Variants in RTCA observed in about 807,000 individuals in gnomAD.
RTCA encodes RNA 3'-terminal phosphate cyclase, also known as RNA terminal phosphate cyclase domain 1.
Under a neutral mutation model 46.1 loss-of-function variants are expected in RTCA, and 37 were observed. The ratio of observed to expected loss-of-function variants is 0.80; its 90% CI spans 0.62 to 1.06. RTCA has a LOEUF of 1.06. RTCA is among the 50% of genes least tolerant of loss of function. The pLI, the probability that RTCA is intolerant of heterozygous loss-of-function variation, is 0.00. For synonymous variants in RTCA, 164 were observed against 158.3 expected, an observed-to-expected ratio of 1.04 and a Z score of -0.27; for missense variants, 435 against 455.5, an observed-to-expected ratio of 0.95 and a Z score of 0.41.
In RTCA at chr1:100,269,844, G is replaced by GC. The variant is rs553174092; in HGVS notation, c.291-707dup. On this transcript the variant is annotated intron_variant, in intron 3 of 10. Coordinates refer to ENST00000370128, the MANE Select transcript of RTCA (RefSeq NM_003729.4). ...AGTGCTCTCCCTCCCCTTGCCACCT[G>GC]CCCCCCGACAAGCCCTGGTGTGTGA... 3.1e-3 allele frequency among the ~76,000 whole-genome samples: 475 copies of GC among 151,992 alleles called. 3 individuals are homozygous for GC. The highest frequency in any genetic ancestry group is 0.011 in the African/African-American group (440 of 41,452).
chr1:100,285,232 A>G lies in RTCA; in HGVS notation c.804A>G (p.Val268=), dbSNP rs758404413. Residue 268 remains valine, a synonymous_variant, in exon 9 of 11, where the codon GTA becomes GTG. Coordinates refer to ENST00000370128, the MANE Select transcript of RTCA (RefSeq NM_003729.4). The part of the protein sequence containing the change: ...FAGSSLGKRG[V]NADKVGIEAA... The stretch of plus-strand genomic sequence containing the variant: ...TAATGTTGTGCTTATCTTAAGGTGT[A>G]AATGCAGACAAAGTTGGAATTGAAG... The G allele has an allele frequency of 1.2e-6, 2 of 1,611,934 alleles. No individual in the cohort carries two copies. Among genetic ancestry groups the G allele is most frequent in the Admixed American group, 3.3e-5 (2 of 59,990 alleles).
chr1:100,292,285 A>C lies in RTCA; in HGVS notation c.*781A>C, dbSNP rs1424513575. 6.6e-6 allele frequency: 1 copy of C among 151,914 alleles called. No individual in the cohort carries two copies. The highest frequency in any genetic ancestry group is 6.6e-5 in the Admixed American group (1 of 15,234). 9.4% of individuals were successfully genotyped at this position (151,914 alleles called of 1,614,324 possible). A position where few individuals can be genotyped will look rare whatever the true frequency, so the allele number is the denominator to read the frequency against. Reference sequence around the variant, plus strand: ...ACCTTCTACCTAGTGGGCACTTTGTACATATTTATTTTTTATTTTATTTAT... The same window carrying C: ...ACCTTCTACCTAGTGGGCACTTTGTCCATATTTATTTTTTATTTTATTTAT... On this transcript the variant is annotated 3_prime_UTR_variant, in exon 11 of 11. Coordinates refer to ENST00000370128, the MANE Select transcript of RTCA (RefSeq NM_003729.4).
chr1:100,285,089 A>G, intron 8 of RTCA, 139 bp from the exon 9 acceptor site: 1 of 610,462 alleles, frequency 1.6e-6, no homozygotes. Flanking sequence ...ATCTTATTCT[A>G]AAAGGTGCAT....
At chr1:100,271,830 T>G (rs1666114146) in intron 4 of RTCA, among the ~76,000 whole-genome samples, 2 of 152,196 alleles carry the variant, frequency 1.3e-5, no homozygotes, top group Admixed American at 1.3e-4. Flanking sequence ...AAAATTCCCT[T>G]ATACGTTTTT....
In RTCA at chr1:100,292,229, T is replaced by G. The variant is rs1318486198; in HGVS notation, c.*725T>G. 6.6e-6 allele frequency: 1 copy of G among 151,988 alleles called. No homozygotes were observed. The highest frequency in any genetic ancestry group is 2.4e-5 in the African/African-American group (1 of 41,354). The allele number at this position is 151,988 out of a possible 1,614,324, so 9.4% of individuals were successfully genotyped here. A position where few individuals can be genotyped will look rare whatever the true frequency, so the allele number is the denominator to read the frequency against. ...CAGTGCACCCGGCAACAATAACATT[T>G]AATAGGCATTGTCTCATTCTAATGA... On this transcript the variant is annotated 3_prime_UTR_variant, in exon 11 of 11. Transcript: ENST00000370128.
rs77289939 is a variant in RTCA, at chr1:100,287,435, A to T, written c.999+232A>T. ...AATATGAGTAAAGTGAGGCAGAGAGATTCATTAAATTGTTCAAGGCCACAT... is the reference window on the plus strand; with the variant it reads ...AATATGAGTAAAGTGAGGCAGAGAGTTTCATTAAATTGTTCAAGGCCACAT... On this transcript the variant is annotated intron_variant, in intron 10 of 10. Transcript: ENST00000370128. 3.1e-3 allele frequency among the ~76,000 whole-genome samples: 469 copies of T among 152,238 alleles called. 3 individuals are homozygous for T. Among genetic ancestry groups the T allele is most frequent in the African/African-American group, 0.011 (438 of 41,544 alleles).
chr1:100,268,118 T>C, intron 2 of RTCA, 34 bp from the exon 3 acceptor site: 2 of 1,610,820 alleles, frequency 1.2e-6, no homozygotes, highest in Middle Eastern at 1.7e-4. Flanking sequence ...GCAGTCTGAA[T>C]GCACACGTTT....
intron 4 of RTCA, 135 bp downstream of exon 4, chr1:100,270,815 C>CT (rs112244213): frequency 0.046 from 40,163 of 867,840 alleles, 31 homozygotes; most frequent in South Asian, 0.082. Context: ...TTCTTTCTTT[C>CT]TTTTTTTTTT....
At chr1:100,279,871 G>A (rs1176418348) in intron 8 of RTCA, among the ~76,000 whole-genome samples, 1 of 152,142 alleles carries the variant, frequency 6.6e-6, no homozygotes, top group Non-Finnish European at 1.5e-5. Context: ...CAGAAATATC[G>A]ACAGGCCAGA....
At chr1:100,280,662 T>A (rs1362543954) in intron 8 of RTCA, among the ~76,000 whole-genome samples, 1 of 152,184 alleles carries the variant, frequency 6.6e-6, no homozygotes, top group African/African-American at 2.4e-5. Context: ...ATGACCTCTA[T>A]TATCCAGATC....
chr1:100,275,069 G>T, intron 6 of RTCA, 104 bp downstream of exon 6: 1 of 1,207,142 alleles, frequency 8.3e-7, no homozygotes, highest in African/African-American at 1.5e-5. Context: ...ATTTTTTTAA[G>T]GAAAGAAATA....
At chr1:100,275,772 T>C in intron 7 of RTCA, 49 bp downstream of exon 7, 1 of 1,476,698 alleles carries the variant, frequency 6.8e-7, no homozygotes, top group Non-Finnish European at 9.1e-7. Context: ...CTAAAATAGT[T>C]ATCTAATTAA....
At chr1:100,270,994 T>C (rs576108220) in intron 4 of RTCA, among the ~76,000 whole-genome samples, 1 of 151,906 alleles carries the variant, frequency 6.6e-6, no homozygotes, top group South Asian at 2.1e-4. Flanking sequence ...GATGCCTCAC[T>C]ATGTTGCCTA....
intron 3 of RTCA, among the ~76,000 whole-genome samples, chr1:100,269,363 C>CTTT (rs61660356): frequency 8.1e-6 from 1 of 123,312 alleles, no homozygotes; most frequent in South Asian, 2.7e-4. Context: ...AGCTATCAGT[C>CTTT]TTTTTTTTTT....
At chr1:100,278,926 G>C (rs1343884504) in intron 8 of RTCA, among the ~76,000 whole-genome samples, 1 of 152,102 alleles carries the variant, frequency 6.6e-6, no homozygotes, top group Non-Finnish European at 1.5e-5. Flanking sequence ...GTGGGAGTGG[G>C]GCCCAGGAAT....
chr1:100,273,502 T>A, intron 5 of RTCA, 50 bp downstream of exon 5: 1 of 1,241,952 alleles, frequency 8.1e-7, no homozygotes, highest in Non-Finnish European at 1.1e-6. Context: ...ACGCTAGAAG[T>A]AGTGGAAAAG....
chr1:100,287,793 T>A (rs1667105613), intron 10 of RTCA, among the ~76,000 whole-genome samples: 1 of 65,684 alleles, frequency 1.5e-5, no homozygotes, highest in Admixed American at 3.0e-4. Flanking sequence ...CCTACAGGAT[T>A]CTTTTTTTTT....
intron 5 of RTCA, among the ~76,000 whole-genome samples, chr1:100,274,515 C>T (rs968654873): frequency 1.3e-5 from 2 of 152,122 alleles, no homozygotes; most frequent in Admixed American, 1.3e-4. Flanking sequence ...TCTATGCTGT[C>T]CAATATGGTA....
intron 10 of RTCA, among the ~76,000 whole-genome samples, chr1:100,290,618 TAGCC>T (rs1156445895): frequency 3.9e-5 from 6 of 152,000 alleles, no homozygotes; most frequent in African/African-American, 2.4e-5. Flanking sequence ...AATTAAAAAT[TAGCC>T]AGGCATGGTG....
Sources: allele counts gnomAD v4.1 joint callset (sites outside exome capture counted in the v4.1 genomes callset), GRCh38; gene constraint gnomAD v4.1.1; transcripts MANE v1.5; gene names NCBI Gene and HGNC (gene_info 2026-07-23, HGNC 2026-07-21).